COLQ: variants seen among roughly 807,000 people sequenced by gnomAD.
COLQ encodes acetylcholinesterase collagenic tail peptide.
In COLQ, 48 loss-of-function variants were observed where a neutral mutation model predicts 69.0. The observed-to-expected ratio is 0.70, with a 90% CI of 0.55 to 0.88. COLQ has a LOEUF of 0.88. Among genes scored for constraint, COLQ ranks in the 40% least tolerant of loss-of-function variants. The probability of loss-of-function intolerance (pLI) is 0.00; values close to 1 mark genes in which losing one functional copy is unlikely to be tolerated. For missense variants in COLQ, 618 were observed against 594.6 expected (o/e 1.04, Z -0.41); for synonymous variants, 217 against 211.2 (o/e 1.03, Z -0.24).
At chr3:15,474,488 G>A (rs1053404625) in intron 8 of COLQ, among the ~76,000 whole-genome samples, 4 of 152,186 alleles carry the variant, frequency 2.6e-5, no homozygotes, top group East Asian at 1.9e-4. Context: ...GACAACTCAC[G>A]GAAAATTCTG....
At chr3:15,464,530 T>A (rs1344121216) in intron 12 of COLQ, among the ~76,000 whole-genome samples, 1 of 152,212 alleles carries the variant, frequency 6.6e-6, no homozygotes, top group Admixed American at 6.5e-5. Flanking sequence ...ATTAATTTAT[T>A]TGGCATCCTA....
intron 10 of COLQ, 70 bp from the exon 11 acceptor site, chr3:15,470,686 G>A (rs2062268326): frequency 7.1e-7 from 1 of 1,399,790 alleles, no homozygotes; most frequent in African/African-American, 1.4e-5. Context: ...CACAGGTCTA[G>A]CCAGTCATTG....
At position 15,451,416 on chromosome 3, in the gene COLQ, G is replaced by T. The variant is rs895757917; in HGVS notation, c.*228C>A. On this transcript the variant is annotated 3_prime_UTR_variant, in exon 17 of 17. Transcript: ENST00000383788. ...TGGTAGCGATGGGGAACAGGTCTCAGGTTGGGCATGTGGAAGGTTTTCCAG... is the reference window on the plus strand; with the variant it reads ...TGGTAGCGATGGGGAACAGGTCTCATGTTGGGCATGTGGAAGGTTTTCCAG... The T allele has an allele frequency of 5.9e-6, 4 of 674,500 alleles. No homozygotes were observed. The East Asian group carries it at 7.6e-5, about 13-fold the overall frequency. 41.8% of individuals were successfully genotyped at this position (674,500 alleles called of 1,614,324 possible). A position where few individuals can be genotyped will look rare whatever the true frequency, so the allele number is the denominator to read the frequency against.
At chr3:15,499,052 C>T (rs1343282618) in intron 1 of COLQ, among the ~76,000 whole-genome samples, 1 of 151,502 alleles carries the variant, frequency 6.6e-6, no homozygotes, top group Non-Finnish European at 1.5e-5. Flanking sequence ...GGGGAGCCTG[C>T]CCTCCTCTGC....
Position 15,475,311 on chromosome 3 carries a change from C to T in COLQ, c.528+114G>A, listed in dbSNP as rs528521586. ...TGGTAAAGGCAGGCTCTCCAATATCCGCGACATTCCCTAGTCCGGGACTGC... is the reference window on the plus strand; with the variant it reads ...TGGTAAAGGCAGGCTCTCCAATATCTGCGACATTCCCTAGTCCGGGACTGC... On this transcript the variant is annotated intron_variant, in intron 7 of 16. Coordinates refer to ENST00000383788, the MANE Select transcript of COLQ (RefSeq NM_005677.4). 5.4e-4 allele frequency: 567 copies of T among 1,057,926 alleles called. 3 individuals carry two copies. The highest frequency in any genetic ancestry group is 6.3e-4 in the Non-Finnish European group (445 of 701,030). 65.5% of individuals were successfully genotyped at this position (1,057,926 alleles called of 1,614,324 possible).
At chr3:15,515,494 T>C (rs1179952559) in intron 1 of COLQ, among the ~76,000 whole-genome samples, 1 of 152,184 alleles carries the variant, frequency 6.6e-6, no homozygotes, top group East Asian at 1.9e-4. Flanking sequence ...ATACAAGTGG[T>C]ACTTCTGACT....
intron 1 of COLQ, among the ~76,000 whole-genome samples, chr3:15,501,506 C>A (rs2062830487): frequency 6.6e-6 from 1 of 152,238 alleles, no homozygotes; most frequent in African/African-American, 2.4e-5. Context: ...CCCTGGAGCA[C>A]TTCACATCCG....
chr3:15,455,859 T>C (rs1251562229), intron 15 of COLQ, 40 bp downstream of exon 15: 1 of 1,613,402 alleles, frequency 6.2e-7, no homozygotes, highest in Admixed American at 1.7e-5. Context: ...ACCCCCCTGC[T>C]GTTCAGGCCT....
At chr3:15,521,384 G>C in intron 1 of COLQ, 136 bp downstream of exon 1, 1 of 1,132,606 alleles carries the variant, frequency 8.8e-7, no homozygotes, top group Non-Finnish European at 1.3e-6. Flanking sequence ...AAGCTGCTGG[G>C]GTGGCCGTCT....
At chr3:15,521,128 C>T (rs2063131101) in intron 1 of COLQ, among the ~76,000 whole-genome samples, 1 of 152,206 alleles carries the variant, frequency 6.6e-6, no homozygotes, top group South Asian at 2.1e-4. Flanking sequence ...CCCTGTGAGG[C>T]AAGCCCCCTT....
intron 15 of COLQ, 48 bp downstream of exon 15, chr3:15,455,851 C>T (rs770378854): frequency 1.2e-6 from 2 of 1,612,660 alleles, no homozygotes; most frequent in East Asian, 2.2e-5. Flanking sequence ...TGAGTCCCAC[C>T]CCCCTGCTGT....
At chr3:15,474,202 T>G (rs1265296504) in intron 9 of COLQ, 26 bp downstream of exon 9, 1 of 1,613,686 alleles carries the variant, frequency 6.2e-7, no homozygotes, top group Non-Finnish European at 8.5e-7. Flanking sequence ...CATTTATCAT[T>G]TCTATGGAAA....
At chr3:15,468,659 C>A (rs1269830789) in intron 11 of COLQ, among the ~76,000 whole-genome samples, 1 of 152,166 alleles carries the variant, frequency 6.6e-6, no homozygotes, top group African/African-American at 2.4e-5. Context: ...ATAAAGTCAA[C>A]AGCTGCTTTC....
At chr3:15,455,491 C>T (rs986519115) in intron 15 of COLQ, among the ~76,000 whole-genome samples, 2 of 152,212 alleles carry the variant, frequency 1.3e-5, no homozygotes, top group African/African-American at 4.8e-5. Context: ...TAGAGCTCTA[C>T]CTGGTAAATG....
At chr3:15,507,845 T>A (rs749682173) in intron 1 of COLQ, among the ~76,000 whole-genome samples, 3 of 152,248 alleles carry the variant, frequency 2.0e-5, no homozygotes, top group Non-Finnish European at 4.4e-5. Context: ...TTTTTCCATT[T>A]TTTTCATTGG....
chr3:15,462,078 G>A (rs891648087), intron 12 of COLQ, among the ~76,000 whole-genome samples: 18 of 152,000 alleles, frequency 1.2e-4, no homozygotes, highest in Non-Finnish European at 2.9e-5. Flanking sequence ...GCCCAGGCGG[G>A]AGTGCAGTAG....
rs538498858 is a variant in COLQ at position 15,503,763 on chromosome 3, T to C, written c.107-14126A>G. On this transcript the variant is annotated intron_variant, in intron 1 of 16. Transcript: ENST00000383788. ...ACAACCAGTAGGCAGTAGGCCAGGA[T>C]TGAATCTGGATGTCTGACTCCAGAG... Among the ~76,000 whole-genome samples, 27 of 152,114 alleles carry C rather than the reference T, an allele frequency of 1.8e-4. No individual in the cohort carries two copies. The South Asian group carries it at 2.7e-3, about 15-fold the overall frequency.
chr3:15,502,071 G>A (rs1400082437), intron 1 of COLQ, among the ~76,000 whole-genome samples: 2 of 151,260 alleles, frequency 1.3e-5, no homozygotes, highest in African/African-American at 4.9e-5. Flanking sequence ...AATCTCTTGG[G>A]AACAAAGAGT....
At position 15,451,691 on chromosome 3, in the gene COLQ, T is replaced by A. The variant is rs375215281; in HGVS notation, c.1321A>T (p.Thr441Ser). 1 of 1,614,078 alleles carries A rather than the reference T, an allele frequency of 6.2e-7. No individual in the cohort carries two copies. Among genetic ancestry groups the A allele is most frequent in the Non-Finnish European group, 8.5e-7 (1 of 1,180,006 alleles). ...LPGSYGDLQC[T>S]QYCYIDSTPC... ...GTGGAGTCGATGTAGCAGTACTGGG[T>A]GCATTGCAGGTCTCCATATGACCTG... The change falls in exon 17 of 17, where the codon ACC becomes TCC. Residue 441 changes from threonine to serine, a missense_variant. Coordinates refer to ENST00000383788, the MANE Select transcript of COLQ (RefSeq NM_005677.4).
Sources: gnomAD v4.1 joint callset for allele counts (sites outside exome capture counted in the v4.1 genomes callset) on GRCh38, gnomAD v4.1.1 for gene constraint, MANE v1.5 for transcripts, NCBI Gene and HGNC (gene_info 2026-07-23, HGNC 2026-07-21) for gene names.